The following IGSF10 variants were observed in gnomAD, a reference collection of about 807,000 sequenced individuals.
The protein encoded by IGSF10 is calvaria mechanical force protein 608.
A neutral mutation model predicts 128.2 loss-of-function variants in IGSF10; 126 were observed. That is an observed-to-expected ratio of 0.98 (90% CI 0.85 to 1.14). The LOEUF (loss-of-function observed/expected upper bound fraction) is 1.14, where lower values mean the gene tolerates loss of function less well. Ranked by LOEUF, IGSF10 falls within the 50% of genes most tolerant of loss-of-function variation. The probability of loss-of-function intolerance (pLI) is 0.00; values close to 1 mark genes in which losing one functional copy is unlikely to be tolerated. For synonymous variants in IGSF10, 1,185 were observed against 1,146.2 expected (o/e 1.03, Z -0.68); for missense variants, 3,295 against 3,149.8 (o/e 1.05, Z -1.10).
chr3:151,525,266 A>G, the IGSF10 span, among the ~76,000 whole-genome samples: 1 of 152,118 alleles, frequency 6.6e-6, no homozygotes, highest in Non-Finnish European at 1.5e-5. Flanking sequence ...CGAGTAGTTT[A>G]CGGAAGTACA....
chr3:151,447,647 G>A lies in IGSF10; in HGVS notation c.2334C>T (p.Ser778=), dbSNP rs1267504570. The A allele has an allele frequency of 6.2e-7, 1 of 1,614,076 alleles. No homozygotes were observed. Among genetic ancestry groups the A allele is most frequent in the South Asian group, 1.1e-5 (1 of 91,080 alleles). The change falls in exon 6 of 8, where the codon AGC becomes AGT. Residue 778 remains serine, a synonymous_variant. Transcript: ENST00000282466. The part of the protein sequence containing the change: ...MPDKRENTTV[S]PPPVVTQLPN... ...GGAGTTGGGTGACCACTGGGGGTGGGCTCACTGTGGTATTTTCTCGCTTGT... is the reference window on the plus strand; with the variant it reads ...GGAGTTGGGTGACCACTGGGGGTGGACTCACTGTGGTATTTTCTCGCTTGT...
At chr3:151,492,172 A>G in the IGSF10 span, among the ~76,000 whole-genome samples, 2 of 152,196 alleles carry the variant, frequency 1.3e-5, no homozygotes, top group African/African-American at 4.8e-5. Context: ...AGAAAAACAA[A>G]TAACACGATT....
At chr3:151,606,118 A>ACCTGT in the IGSF10 span, among the ~76,000 whole-genome samples, 1 of 152,184 alleles carries the variant, frequency 6.6e-6, no homozygotes, top group East Asian at 1.9e-4. Flanking sequence ...CTGTGTTGTC[A>ACCTGT]CTAAGTTCTG....
chr3:151,493,790 A>T, the IGSF10 span, among the ~76,000 whole-genome samples: 1 of 151,718 alleles, frequency 6.6e-6, no homozygotes, highest in African/African-American at 2.4e-5. Context: ...TATGGTGTAA[A>T]CCTCCCATAT....
At chr3:151,489,053 G>GA in the IGSF10 span, among the ~76,000 whole-genome samples, 1 of 152,180 alleles carries the variant, frequency 6.6e-6, no homozygotes, top group Non-Finnish European at 1.5e-5. Flanking sequence ...CATAATGGGA[G>GA]AAAATTTTTG....
the IGSF10 span, among the ~76,000 whole-genome samples, chr3:151,549,435 A>G: frequency 6.6e-6 from 1 of 152,158 alleles, no homozygotes; most frequent in Non-Finnish European, 1.5e-5. Flanking sequence ...CTTTCAACCA[A>G]TCTTCCAGTT....
At chr3:151,435,535 G>T (rs1202408503), downstream of IGSF10, 1 of 151,948 alleles carries the variant, frequency 6.6e-6, no homozygotes, top group Admixed American at 6.6e-5. Context: ...GATTGGCAGG[G>T]GCTAACTTAT....
chr3:151,480,436 C>G, the IGSF10 span, among the ~76,000 whole-genome samples: 49 of 152,286 alleles, frequency 3.2e-4, no homozygotes, highest in East Asian at 1.9e-4. Context: ...TTCACAGGGT[C>G]TAAGCCCAGC....
At chr3:151,564,605 A>G in the IGSF10 span, among the ~76,000 whole-genome samples, 2 of 152,140 alleles carry the variant, frequency 1.3e-5, no homozygotes, top group East Asian at 3.8e-4. Flanking sequence ...CTGACCTTTT[A>G]GATGAAGTTT....
upstream of IGSF10, among the ~76,000 whole-genome samples, chr3:151,463,523 G>T (rs1439131549): frequency 3.5e-3 from 110 of 31,256 alleles, no homozygotes; most frequent in South Asian, 3.9e-3. Context: ...ACATTTTCTG[G>T]TTTTTTTTTT....
the IGSF10 span, among the ~76,000 whole-genome samples, chr3:151,487,111 A>C: frequency 6.6e-6 from 1 of 152,340 alleles, no homozygotes; most frequent in South Asian, 2.1e-4. Context: ...AAAGGAAAGA[A>C]GAATCAAATA....
chr3:151,584,952 T>G, the IGSF10 span, among the ~76,000 whole-genome samples: 1 of 152,222 alleles, frequency 6.6e-6, no homozygotes, highest in Non-Finnish European at 1.5e-5. Context: ...ATCCAGCAAC[T>G]TTATTTAAAA....
rs781195239 is a variant in IGSF10, at chr3:151,443,270, T to G, written c.5677A>C (p.Lys1893Gln). The change falls in exon 7 of 8, where the codon AAG (lysine) becomes CAG (glutamine). Residue 1893 changes from lysine (K) to glutamine (Q), a missense_variant. Physicochemically the swap from Lys to Gln is moderately conservative, Grantham distance 53. Transcript: ENST00000282466. ...EVKPLQFTNS[K>Q]LFLFSNGTLY... ...GTCCCATTTGAAAATAAGAACAACT[T>G]GGAATTGGTAAACTGTAATGGTTTC... 1 of 1,612,098 alleles carries G rather than the reference T, an allele frequency of 6.2e-7. No individual in the cohort carries two copies. The highest frequency in any genetic ancestry group is 8.5e-7 in the Non-Finnish European group (1 of 1,178,776).
the IGSF10 span, among the ~76,000 whole-genome samples, chr3:151,492,670 A>G: frequency 1.3e-5 from 2 of 152,148 alleles, no homozygotes; most frequent in African/African-American, 2.4e-5. Context: ...GTGAACCAAG[A>G]TCGCGCCACT....
intron 7 of IGSF10, chr3:151,440,707 A>C: frequency 2.6e-6 from 1 of 381,100 alleles, no homozygotes; most frequent in Non-Finnish European, 5.4e-6. Flanking sequence ...GTTTAAAATA[A>C]TAATGATGTC....
chr3:151,584,720 T>C, the IGSF10 span, among the ~76,000 whole-genome samples: 11 of 152,318 alleles, frequency 7.2e-5, no homozygotes, highest in East Asian at 1.3e-3. Flanking sequence ...AATTGTACCA[T>C]GAAGTCAGTC....
At chr3:151,541,499 C>A in the IGSF10 span, among the ~76,000 whole-genome samples, 1 of 152,170 alleles carries the variant, frequency 6.6e-6, no homozygotes, top group South Asian at 2.1e-4. Context: ...AAACACATTA[C>A]TGAGTAAACA....
chr3:151,587,613 C>A, the IGSF10 span, among the ~76,000 whole-genome samples: 1 of 152,120 alleles, frequency 6.6e-6, no homozygotes, highest in South Asian at 2.1e-4. Flanking sequence ...AAAATTCCTA[C>A]AGCAGCATAT....
chr3:151,511,132 C>T, the IGSF10 span, among the ~76,000 whole-genome samples: 4 of 151,942 alleles, frequency 2.6e-5, no homozygotes, highest in African/African-American at 9.7e-5. Flanking sequence ...AGATACTCCT[C>T]GAGAAGAGCA....
Sources: allele counts gnomAD v4.1 joint callset (sites outside exome capture counted in the v4.1 genomes callset), GRCh38; gene constraint gnomAD v4.1.1; transcripts MANE v1.5; gene names NCBI Gene and HGNC (gene_info 2026-07-23, HGNC 2026-07-21).